The following SMAD4 variants were observed in gnomAD, a reference collection of about 807,000 sequenced individuals.
SMAD4 encodes the protein MAD homolog 4.
In SMAD4, 7 loss-of-function variants were observed where a neutral mutation model predicts 63.2. That is an observed-to-expected ratio of 0.11 (90% confidence interval 0.06 to 0.21). The LOEUF is 0.21. Ranked by LOEUF, SMAD4 falls within the 10% of genes least tolerant of loss-of-function variation. The probability of loss-of-function intolerance (pLI) is 1.00; values close to 1 mark genes in which losing one functional copy is unlikely to be tolerated. For missense variants in SMAD4, 312 were observed against 693.8 expected, an observed-to-expected ratio of 0.45 and a Z score of 6.18; for synonymous variants, 215 against 235.4, an observed-to-expected ratio of 0.91 and a Z score of 0.79.
chr18:51,052,681 G>A (rs1476501315), intron 4 of SMAD4: 1 of 273,768 alleles, frequency 3.7e-6, no homozygotes, highest in Non-Finnish European at 7.4e-6. Context: ...GGTATACAGT[G>A]AAAAGAAGTG....
intron 10 of SMAD4, among the ~76,000 whole-genome samples, chr18:51,073,195 C>T (rs952200952): frequency 6.6e-6 from 1 of 151,386 alleles, no homozygotes; most frequent in African/African-American, 2.4e-5. Context: ...CAGGCTGAAA[C>T]AATCCTAATT....
At position 51,065,506 on chromosome 18, in the gene SMAD4, A is replaced by T. The variant is rs747360831; in HGVS notation, c.1039A>T (p.Ile347Phe). ...ATTTAAGGTTCCTTCAAGCTGCCCTATTGTTACTGTTGATGGATACGTGGA... is the reference window on the plus strand; with the variant it reads ...ATTTAAGGTTCCTTCAAGCTGCCCTTTTGTTACTGTTGATGGATACGTGGA... ...ETFKVPSSCPIVTVDGYVDPS... is the reference protein window; with the variant it reads ...ETFKVPSSCPFVTVDGYVDPS... Residue 347 changes from isoleucine (I) to phenylalanine (F), a missense_variant, in exon 9 of 12, where the codon ATT (isoleucine) becomes TTT (phenylalanine). Around this residue, in one of 4 missense-constraint regions of SMAD4, gnomAD observed 92 missense variants for 305.9 expected, o/e 0.30. Transcript: ENST00000342988. 6.2e-7 allele frequency: 1 copy of T among 1,614,070 alleles called. No individual in the cohort carries two copies. The highest frequency in any genetic ancestry group is 1.1e-5 in the South Asian group (1 of 91,078).
chr18:51,054,611 T>C, intron 4 of SMAD4, 170 bp from the exon 5 acceptor site: 1 of 598,404 alleles, frequency 1.7e-6, no homozygotes, highest in East Asian at 2.8e-5. Context: ...TAAATGACTT[T>C]TGCTGGTAAA....
intron 9 of SMAD4, chr18:51,066,809 C>T (rs1346519683): frequency 1.9e-6 from 1 of 535,242 alleles, no homozygotes; most frequent in South Asian, 2.1e-5. Flanking sequence ...ATGCTCCTGA[C>T]ACATAGTAAG....
rs796756255 is a variant in SMAD4, at chr18:51,047,474, T to TA, written c.249+182dup. Among the ~76,000 whole-genome samples the TA allele has an allele frequency of 3.3e-5, 5 of 152,220 alleles. No individual in the cohort carries two copies. The South Asian group carries it at 8.3e-4, about 25-fold the overall frequency. On this transcript the variant is annotated intron_variant, in intron 2 of 11. Coordinates refer to ENST00000342988, the MANE Select transcript of SMAD4 (RefSeq NM_005359.6). ...GAAGAATATGCAAAAGATAAAATCT[T>TA]AAAGTTTTTTAATGTTCTACTCAGA...
At chr18:51,051,268 A>G (rs1194827619) in intron 4 of SMAD4, 9 of 421,636 alleles carry the variant, frequency 2.1e-5, no homozygotes, top group East Asian at 1.4e-4. Flanking sequence ...TAGCCTTTCT[A>G]TAGTGACTGT....
At chr18:51,054,555 GAGTC>G (rs1909789692) in intron 4 of SMAD4, 2 of 510,112 alleles carry the variant, frequency 3.9e-6, no homozygotes, top group African/African-American at 3.8e-5. Flanking sequence ...TCAAATTTGA[GAGTC>G]AGATTGATTG....
rs1222783371 is a variant in SMAD4, at chr18:51,084,070, A to G, written c.*5603A>G. 6 of 230,886 alleles carry G rather than the reference A, an allele frequency of 2.6e-5. No individual in the cohort carries two copies. The highest frequency in any genetic ancestry group is 5.1e-5 in the Non-Finnish European group (6 of 116,988). The allele number at this position is 230,886 out of a possible 1,614,324, so 14.3% of individuals were successfully genotyped here. A position where few individuals can be genotyped will look rare whatever the true frequency, so the allele number is the denominator to read the frequency against. ...GGTCAGAGTTTAAGGCTTTCGAGTCATGACATTCTAGCTTTTGAATTGCGT... is the reference window on the plus strand; with the variant it reads ...GGTCAGAGTTTAAGGCTTTCGAGTCGTGACATTCTAGCTTTTGAATTGCGT... On this transcript the variant is annotated 3_prime_UTR_variant, in exon 12 of 12. Coordinates refer to ENST00000342988, the MANE Select transcript of SMAD4 (RefSeq NM_005359.6).
Position 51,084,102 on chromosome 18 carries a change from ACAC to A in SMAD4, c.*5636_*5638del, listed in dbSNP as rs1437454328. 4.3e-6 allele frequency: 1 copy of A among 231,996 alleles called. No individual in the cohort carries two copies. The highest frequency in any genetic ancestry group is 2.2e-5 in the African/African-American group (1 of 45,184). The allele number at this position is 231,996 out of a possible 1,614,324, so 14.4% of individuals were successfully genotyped here. On this transcript the variant is annotated 3_prime_UTR_variant, in exon 12 of 12. Coordinates refer to ENST00000342988, the MANE Select transcript of SMAD4 (RefSeq NM_005359.6). The stretch of plus-strand genomic sequence containing the variant: ...TCTAGCTTTTGAATTGCGTGCACAC[ACAC>A]ACGCACGCACACACTCTGGTCAGAG...
intron 5 of SMAD4, 100 bp from the exon 6 acceptor site, chr18:51,058,025 A>G (rs1909886959): frequency 7.2e-7 from 1 of 1,392,346 alleles, no homozygotes; most frequent in African/African-American, 1.4e-5. Context: ...CCATCTTTAT[A>G]GTTGTGCATT....
intron 1 of SMAD4, among the ~76,000 whole-genome samples, chr18:51,045,841 G>A (rs796316169): frequency 3.9e-5 from 6 of 152,130 alleles, no homozygotes; most frequent in African/African-American, 1.2e-4. Flanking sequence ...TTCTGTCTCT[G>A]TGGATTTGCC....
At chr18:51,053,408 A>G (rs1297870054) in intron 4 of SMAD4, 1 of 152,042 alleles carries the variant, frequency 6.6e-6, no homozygotes, top group Non-Finnish European at 1.5e-5. Context: ...TTTTCTTTTT[A>G]TTATTTTTAT....
intron 1 of SMAD4, 88 bp downstream of exon 1, chr18:51,030,711 ACGG>A (rs533316618): frequency 6.7e-5 from 10 of 150,276 alleles, no homozygotes; most frequent in East Asian, 2.0e-4. Context: ...GCTCCCGACG[ACGG>A]CGGCGGCGGC....
In SMAD4 at chr18:51,055,341, C is replaced by G. The variant is rs189938952; in HGVS notation, c.667+348C>G. Among the ~76,000 whole-genome samples the G allele has an allele frequency of 1.7e-3, 256 of 152,152 alleles. 3 individuals carry two copies. The highest frequency in any genetic ancestry group is 2.8e-3 in the Admixed American group (43 of 15,292). On this transcript the variant is annotated intron_variant, in intron 5 of 11. Coordinates refer to ENST00000342988, the MANE Select transcript of SMAD4 (RefSeq NM_005359.6). ...AAGGTCTGTGTTAATGGAATTGCAA[C>G]CTTTCTTTTAATGCGGTGTTCTTAT...
At chr18:51,039,433 T>C (rs976183130) in intron 1 of SMAD4, among the ~76,000 whole-genome samples, 3 of 152,030 alleles carry the variant, frequency 2.0e-5, no homozygotes, top group Non-Finnish European at 4.4e-5. Flanking sequence ...CTCAGGTAGT[T>C]TGCAGGCTAA....
rs2144399813 is a variant in SMAD4 at position 51,046,997 on chromosome 18, T to C, written c.-50T>C. The C allele has an allele frequency of 6.3e-7, 1 of 1,577,614 alleles. No individual in the cohort carries two copies. Among genetic ancestry groups the C allele is most frequent in the Non-Finnish European group, 8.7e-7 (1 of 1,147,396 alleles). On this transcript the variant is annotated 5_prime_UTR_variant, in exon 2 of 12. Transcript: ENST00000342988. ...TTCACTGTTTCCAAAGGATCAAAAT[T>C]GCTTCAGAAATTGGAGACATATTTG...
At chr18:51,038,225 C>T (rs141247594) in intron 1 of SMAD4, among the ~76,000 whole-genome samples, 14 of 142,590 alleles carry the variant, frequency 9.8e-5, no homozygotes, top group South Asian at 2.4e-4. Context: ...CCACTGCACT[C>T]GGGCCTAGGC....
intron 5 of SMAD4, among the ~76,000 whole-genome samples, chr18:51,055,264 TTG>T (rs1909812703): frequency 3.3e-5 from 5 of 152,304 alleles, no homozygotes; most frequent in African/African-American, 1.2e-4. Flanking sequence ...CAGATATATT[TTG>T]GAGAAATATT....
At position 51,047,284 on chromosome 18, in the gene SMAD4, G is replaced by T. The variant is rs1382032973; in HGVS notation, c.238G>T (p.Gly80Trp). Residue 80 changes from glycine (G) to tryptophan (W), a missense_variant, in exon 2 of 12, where the codon GGG becomes TGG. By Grantham distance (184) the Gly-to-Trp change is radical. Transcript: ENST00000342988. ...KCVTIQRTLD[G>W]RLQVAGRKGF... is the part of the protein sequence containing the mutation. ...TGTTACCATACAGAGAACATTGGAT[G>T]GGAGGCTTCAGGTTAGTCTTATAAG... 6.2e-7 allele frequency: 1 copy of T among 1,613,836 alleles called. No individual in the cohort carries two copies. Among genetic ancestry groups the T allele is most frequent in the South Asian group, 1.1e-5 (1 of 90,990 alleles).
Sources: allele counts gnomAD v4.1 joint callset (sites outside exome capture counted in the v4.1 genomes callset), GRCh38; gene constraint gnomAD v4.1.1; regional missense constraint gnomAD v4.1.1; transcripts MANE v1.5; gene names NCBI Gene and HGNC (gene_info 2026-07-23, HGNC 2026-07-21).